FOXP2: variants seen among roughly 807,000 people sequenced by gnomAD.
FOXP2 encodes forkhead box P2.
FOXP2 carries 12 observed loss-of-function variants against 115.8 expected under a neutral mutation model. The ratio of observed to expected loss-of-function variants is 0.10; its 90% CI spans 0.07 to 0.17. The LOEUF (loss-of-function observed/expected upper bound fraction) is 0.17, where lower values mean the gene tolerates loss of function less well. Ranked by LOEUF, FOXP2 falls within the 10% of genes least tolerant of loss-of-function variation. FOXP2 has a pLI of 1.00. For synonymous variants in FOXP2, 328 were observed against 297.7 expected (o/e 1.10, Z -1.05); for missense variants, 629 against 843.5 (o/e 0.75, Z 3.15).
At chr7:114,239,775 GTCT>G (rs1795105739) in intron 1 of FOXP2, among the ~76,000 whole-genome samples, 1 of 152,096 alleles carries the variant, frequency 6.6e-6, no homozygotes, top group Non-Finnish European at 1.5e-5. Context: ...CTCTATAATA[GTCT>G]TCTACAAGGA....
intron 2 of FOXP2, among the ~76,000 whole-genome samples, chr7:114,402,491 C>G (rs1792909681): frequency 6.6e-6 from 1 of 152,106 alleles, no homozygotes; most frequent in Admixed American, 6.5e-5. Flanking sequence ...CATCAGTTAA[C>G]TAATCTGGTA....
intron 2 of FOXP2, among the ~76,000 whole-genome samples, chr7:114,464,760 A>G (rs1173029088): frequency 6.6e-6 from 1 of 152,252 alleles, no homozygotes; most frequent in Non-Finnish European, 1.5e-5. Context: ...GTAGTCCATG[A>G]TGGTAGTATT....
intron 2 of FOXP2, among the ~76,000 whole-genome samples, chr7:114,455,201 T>G (rs1795258901): frequency 6.6e-6 from 1 of 152,186 alleles, no homozygotes. Flanking sequence ...AACCCCAAAC[T>G]GCATTTAAAA....
At chr7:114,367,643 G>T (rs965925841) in intron 2 of FOXP2, among the ~76,000 whole-genome samples, 1 of 151,956 alleles carries the variant, frequency 6.6e-6, no homozygotes, top group African/African-American at 2.4e-5. Context: ...ATTTTTGGAA[G>T]CCATTTCCCC....
chr7:114,145,825 C>A (rs1227790645), intron 1 of FOXP2, among the ~76,000 whole-genome samples: 2 of 152,148 alleles, frequency 1.3e-5, no homozygotes, highest in Non-Finnish European at 2.9e-5. Flanking sequence ...TTAAAAATTT[C>A]TATTTTAAAT....
In FOXP2 at chr7:114,570,249, A is replaced by G. The variant is rs557004453; in HGVS notation, c.258+35543A>G. On this transcript the variant is annotated intron_variant, in intron 3 of 16. Transcript: ENST00000350908. ...AACAGATATTATGGAGGTTGGTTGC[A>G]TAGTCTTAGATACATTTTAGTGGCA... Among the ~76,000 whole-genome samples the G allele has an allele frequency of 4.3e-4, 66 of 152,046 alleles. No homozygotes were observed. In the Middle Eastern group the frequency reaches 0.01, roughly 24 times the overall value.
At chr7:114,173,982 G>A (rs187404390) in intron 1 of FOXP2, among the ~76,000 whole-genome samples, 1 of 151,314 alleles carries the variant, frequency 6.6e-6, no homozygotes. Flanking sequence ...GGTAAGTTTT[G>A]CATGTGAAAA....
At chr7:114,159,116 A>G (rs117048377), upstream of FOXP2, among the ~76,000 whole-genome samples, 676 of 152,272 alleles carry the variant, frequency 4.4e-3, 1 homozygote, top group Non-Finnish European at 7.7e-3. Context: ...CTAGAATGGT[A>G]TCTTGAGGAA....
intron 1 of FOXP2, among the ~76,000 whole-genome samples, chr7:114,269,846 A>G (rs1296605516): frequency 6.6e-6 from 1 of 152,178 alleles, no homozygotes; most frequent in East Asian, 1.9e-4. Context: ...CTTCATTTTT[A>G]TCACTAGAGC....
At chr7:114,557,493 G>T (rs970572394) in intron 3 of FOXP2, among the ~76,000 whole-genome samples, 1 of 145,544 alleles carries the variant, frequency 6.9e-6, no homozygotes. Flanking sequence ...AATATAATAA[G>T]AAGTATTTTT....
At chr7:114,129,177 C>G (rs1374807947) in intron 1 of FOXP2, among the ~76,000 whole-genome samples, 1 of 152,172 alleles carries the variant, frequency 6.6e-6, no homozygotes, top group African/African-American at 2.4e-5. Context: ...CACATCCCAG[C>G]ATTTTTAATT....
At chr7:114,088,389 T>C (rs1170160994) in intron 1 of FOXP2, 5 of 152,260 alleles carry the variant, frequency 3.3e-5, no homozygotes, top group Admixed American at 6.5e-5. Context: ...CCTCCCAACA[T>C]GTCCAGAGTC....
At chr7:114,200,953 G>A (rs952250655) in intron 1 of FOXP2, among the ~76,000 whole-genome samples, 19 of 151,938 alleles carry the variant, frequency 1.3e-4, no homozygotes, top group African/African-American at 4.4e-4. Context: ...TCAGGTGTTC[G>A]GGACCAGCCT....
intron 3 of FOXP2, among the ~76,000 whole-genome samples, chr7:114,626,293 G>A (rs960224861): frequency 1.3e-5 from 2 of 151,726 alleles, no homozygotes; most frequent in Non-Finnish European, 3.0e-5. Context: ...AAACTCTACA[G>A]TCATATTATA....
chr7:114,215,503 G>A (rs1160448912), intron 1 of FOXP2, among the ~76,000 whole-genome samples: 1 of 152,040 alleles, frequency 6.6e-6, no homozygotes, highest in African/African-American at 2.4e-5. Flanking sequence ...GATTATGTAA[G>A]CCTATAATTT....
At chr7:114,208,125 C>T (rs760759033) in intron 1 of FOXP2, among the ~76,000 whole-genome samples, 16 of 152,174 alleles carry the variant, frequency 1.1e-4, no homozygotes, top group Non-Finnish European at 1.9e-4. Context: ...ACACTCAACA[C>T]CAGCCCATGA....
At chr7:114,582,671 A>G (rs1336566538) in intron 3 of FOXP2, among the ~76,000 whole-genome samples, 4 of 152,238 alleles carry the variant, frequency 2.6e-5, no homozygotes, top group Admixed American at 2.6e-4. Context: ...TTTAGATAAT[A>G]TTAAGATTCT....
At chr7:114,370,484 C>A (rs922350528) in intron 2 of FOXP2, among the ~76,000 whole-genome samples, 4 of 152,186 alleles carry the variant, frequency 2.6e-5, no homozygotes, top group African/African-American at 9.7e-5. Flanking sequence ...CTGGTGGCCT[C>A]ATTATGGATC....
At chr7:114,242,414 T>C (rs1355009214) in intron 1 of FOXP2, among the ~76,000 whole-genome samples, 1 of 152,068 alleles carries the variant, frequency 6.6e-6, no homozygotes, top group African/African-American at 2.4e-5. Context: ...CATCTCCAAA[T>C]CATAAAAGTT....
Sources: allele counts gnomAD v4.1 joint callset (sites outside exome capture counted in the v4.1 genomes callset), GRCh38; gene constraint gnomAD v4.1.1; transcripts MANE v1.5; gene names NCBI Gene and HGNC (gene_info 2026-07-23, HGNC 2026-07-21).